Variants in PCDHA6 observed in about 807,000 individuals in gnomAD.
PCDHA6 encodes protocadherin alpha 6.
A neutral mutation model predicts 60.3 loss-of-function variants in PCDHA6; 55 were observed. That is an observed-to-expected ratio of 0.91 (90% CI 0.73 to 1.14). The LOEUF (loss-of-function observed/expected upper bound fraction) is 1.14, where lower values mean the gene tolerates loss of function less well. Among genes scored for constraint, PCDHA6 ranks in the 50% most tolerant of loss-of-function variants. The pLI, the probability that PCDHA6 is intolerant of heterozygous loss-of-function variation, is 0.00. For synonymous variants in PCDHA6, 652 were observed against 557.9 expected, an observed-to-expected ratio of 1.17 and a Z score of -2.38; for missense variants, 1,327 against 1,256.5, an observed-to-expected ratio of 1.06 and a Z score of -0.85.
intron 3 of PCDHA6, among the ~76,000 whole-genome samples, chr5:140,994,821 T>C (rs2097651680): frequency 6.6e-6 from 1 of 152,052 alleles, no homozygotes. Flanking sequence ...AAAAACTGAA[T>C]TGTGTAGTCT....
chr5:140,905,995 G>C (rs2072280853), intron 1 of PCDHA6, among the ~76,000 whole-genome samples: 1 of 152,114 alleles, frequency 6.6e-6, no homozygotes. Context: ...ATGTAGGCTG[G>C]GAGGCTAAGC....
At chr5:140,905,986 T>G (rs2072268646) in intron 1 of PCDHA6, among the ~76,000 whole-genome samples, 1 of 152,198 alleles carries the variant, frequency 6.6e-6, no homozygotes, top group Non-Finnish European at 1.5e-5. Flanking sequence ...GGGAGAAAGA[T>G]GTAGGCTGGG....
intron 1 of PCDHA6, among the ~76,000 whole-genome samples, chr5:140,966,009 G>A (rs2153745631): frequency 6.6e-6 from 1 of 152,278 alleles, no homozygotes; most frequent in South Asian, 2.1e-4. Flanking sequence ...AGTGTCCAGG[G>A]AAGATGTGGG....
rs2150411102 is a variant in PCDHA6, at chr5:140,848,487, G to A, written c.2394+18002G>A. 8 of 1,574,380 alleles carry A rather than the reference G, an allele frequency of 5.1e-6. No individual in the cohort carries two copies. The Admixed American group carries it at 1.2e-4, about 24-fold the overall frequency. On this transcript the variant is annotated intron_variant, in intron 1 of 3. Coordinates refer to ENST00000529310, the MANE Select transcript of PCDHA6 (RefSeq NM_018909.4). ...TTTTCACTAATTAGAAGAAGACTGA[G>A]TATTTGAAATGTTATACTCAAGTCG...
chr5:140,892,658 A>G (rs1202553509), intron 1 of PCDHA6, among the ~76,000 whole-genome samples: 4 of 152,202 alleles, frequency 2.6e-5, no homozygotes, highest in African/African-American at 9.7e-5. Context: ...ATACAGAGTG[A>G]CATTTTGATA....
intron 1 of PCDHA6, among the ~76,000 whole-genome samples, chr5:140,914,901 G>A (rs2076874560): frequency 6.8e-6 from 1 of 147,044 alleles, no homozygotes; most frequent in African/African-American, 2.5e-5. Flanking sequence ...TTAACTTTGT[G>A]TTGTTTCTCT....
intron 1 of PCDHA6, 28 bp downstream of exon 1, chr5:140,830,513 A>C: frequency 7.2e-7 from 1 of 1,380,444 alleles, no homozygotes; most frequent in Non-Finnish European, 9.6e-7. Context: ...ATTAACAGTT[A>C]ATTTTTATTT....
Position 140,952,580 on chromosome 5 carries a change from A to G in PCDHA6, c.2395-26369A>G, listed in dbSNP as rs538999222. ...ATCAGCACTTCGGTCCCAATCATTCAAGTAGTCTCTAGGAAGTTCTAAGCT... is the reference window on the plus strand; with the variant it reads ...ATCAGCACTTCGGTCCCAATCATTCGAGTAGTCTCTAGGAAGTTCTAAGCT... On this transcript the variant is annotated intron_variant, in intron 1 of 3. Transcript: ENST00000529310. Among the ~76,000 whole-genome samples the G allele has an allele frequency of 2.0e-4, 30 of 152,248 alleles. No homozygotes were observed. In the South Asian group the frequency reaches 2.3e-3, roughly 12 times the overall value.
At chr5:140,850,016 C>T (rs2150463409) in intron 1 of PCDHA6, 1 of 1,596,912 alleles carries the variant, frequency 6.3e-7, no homozygotes, top group Non-Finnish European at 8.6e-7. Context: ...TGTCGAGCTA[C>T]GTGTCAGTGC....
intron 1 of PCDHA6, among the ~76,000 whole-genome samples, chr5:140,970,591 T>G (rs1159349152): frequency 2.6e-5 from 4 of 152,150 alleles, no homozygotes; most frequent in African/African-American, 9.7e-5. Flanking sequence ...GAGATATGCT[T>G]TGTGATACTT....
rs2150172253 is a variant in PCDHA6, at chr5:140,829,667, G to A, written c.1576G>A (p.Glu526Lys). ...KVYALQPLDH[E>K]ELELLQFQVS... ...GTACGCGCTGCAGCCGCTGGACCAC[G>A]AGGAGCTAGAGCTGCTGCAGTTTCA... The change falls in exon 1 of 4, where the codon GAG (glutamate) becomes AAG (lysine). Residue 526 changes from glutamate (E) to lysine (K), a missense_variant. Coordinates refer to ENST00000529310, the MANE Select transcript of PCDHA6 (RefSeq NM_018909.4). 11 of 1,612,886 alleles carry A rather than the reference G, an allele frequency of 6.8e-6. 1 individual carries two copies. The South Asian group carries it at 8.8e-5, about 13-fold the overall frequency.
At chr5:140,853,171 G>T (rs2150529478) in intron 1 of PCDHA6, 1 of 965,252 alleles carries the variant, frequency 1.0e-6, no homozygotes, top group Non-Finnish European at 1.3e-6. Flanking sequence ...GAGCCACCGC[G>T]CCTGGCCTAA....
intron 1 of PCDHA6, among the ~76,000 whole-genome samples, chr5:140,902,546 A>G (rs1456804685): frequency 6.6e-6 from 1 of 152,088 alleles, no homozygotes; most frequent in Non-Finnish European, 1.5e-5. Context: ...TGTTCCTTCT[A>G]TACCCAGATT....
rs2150297287 is a variant in PCDHA6, at chr5:140,839,391, T to C, written c.2394+8906T>C. Among the ~76,000 whole-genome samples, 80 of 151,830 alleles carry C rather than the reference T, an allele frequency of 5.3e-4. 1 individual carries two copies. The highest frequency in any genetic ancestry group is 1.8e-3 in the African/African-American group (75 of 41,346). On this transcript the variant is annotated intron_variant, in intron 1 of 3. Transcript: ENST00000529310. ...TATTCATCAATTATTATGATGATGATGATGATTATTATTTTTGAGACAGGG... is the reference window on the plus strand; with the variant it reads ...TATTCATCAATTATTATGATGATGACGATGATTATTATTTTTGAGACAGGG...
Position 140,857,147 on chromosome 5 carries a change from G to A in PCDHA6, c.2394+26662G>A, listed in dbSNP as rs145115378. 1.4e-4 allele frequency: 222 copies of A among 1,598,286 alleles called. 15 individuals carry two copies. The African/African-American group carries it at 2.2e-3, about 15-fold the overall frequency. ...GAAAGAAGATGCTCAAGTGGGCACC[G>A]TCATTGCCCTAATCAGCGTTTCTGA... On this transcript the variant is annotated intron_variant, in intron 1 of 3. Coordinates refer to ENST00000529310, the MANE Select transcript of PCDHA6 (RefSeq NM_018909.4).
chr5:140,992,369 A>G (rs1554252849), intron 3 of PCDHA6, among the ~76,000 whole-genome samples: 1 of 152,188 alleles, frequency 6.6e-6, no homozygotes, highest in Non-Finnish European at 1.5e-5. Context: ...AATGGTTCCC[A>G]TTACATTATT....
At chr5:140,988,253 C>A (rs982953260) in intron 3 of PCDHA6, among the ~76,000 whole-genome samples, 1 of 152,188 alleles carries the variant, frequency 6.6e-6, no homozygotes, top group Non-Finnish European at 1.5e-5. Context: ...CAGCTCCCGC[C>A]TGTGAGTATC....
intron 1 of PCDHA6, among the ~76,000 whole-genome samples, chr5:140,910,422 C>T (rs1184807086): frequency 6.6e-6 from 1 of 152,148 alleles, no homozygotes; most frequent in Non-Finnish European, 1.5e-5. Flanking sequence ...TCCAATTATT[C>T]CCATTGCATT....
chr5:140,898,737 G>T (rs2066951107), intron 1 of PCDHA6, among the ~76,000 whole-genome samples: 1 of 152,102 alleles, frequency 6.6e-6, no homozygotes, highest in African/African-American at 2.4e-5. Flanking sequence ...AAAGTCATTG[G>T]TAGCTTGATG....
Sources: allele counts gnomAD v4.1 joint callset (sites outside exome capture counted in the v4.1 genomes callset), GRCh38; gene constraint gnomAD v4.1.1; transcripts MANE v1.5; gene names NCBI Gene and HGNC (gene_info 2026-07-23, HGNC 2026-07-21).